DOCK2: variants seen among roughly 807,000 people sequenced by gnomAD.
DOCK2 encodes the protein dedicator of cytokinesis 2, also known as dedicator of cytokinesis protein 2.
DOCK2 carries 87 observed loss-of-function variants against 248.9 expected under a neutral mutation model. The observed-to-expected ratio is 0.35, with a 90% CI of 0.29 to 0.42. DOCK2 has a LOEUF of 0.42. DOCK2 is among the 10% of genes least tolerant of loss of function. The probability of loss-of-function intolerance (pLI) is 1.00; values close to 1 mark genes in which losing one functional copy is unlikely to be tolerated. For missense variants in DOCK2, 1,747 were observed against 2,300.2 expected (o/e 0.76, Z 4.92); for synonymous variants, 805 against 821.6 (o/e 0.98, Z 0.35).
rs1009767857 is a variant in DOCK2 at position 169,901,413 on chromosome 5, C to T, written c.2799+60561C>T. Among the ~76,000 whole-genome samples, 13 of 151,860 alleles carry T rather than the reference C, an allele frequency of 8.6e-5. No homozygotes were observed. In the East Asian group the frequency reaches 1.5e-3, roughly 18 times the overall value. On this transcript the variant is annotated intron_variant, in intron 27 of 51. Coordinates refer to ENST00000520908, the MANE Select transcript of DOCK2 (RefSeq NM_004946.3). ...AAACAGAATGACTTCAAGAGGTTTA[C>T]GAAGGGTGTGTGTGTGTGTGGGCAT...
intron 26 of DOCK2, among the ~76,000 whole-genome samples, chr5:169,816,912 G>A (rs997332491): frequency 1.3e-5 from 2 of 152,078 alleles, no homozygotes; most frequent in African/African-American, 2.4e-5. Context: ...TCTCCCTTCT[G>A]TCTGTCCTGA....
At chr5:169,689,354 C>G in intron 9 of DOCK2, 21 bp downstream of exon 9, 1 of 1,612,854 alleles carries the variant, frequency 6.2e-7, no homozygotes, top group South Asian at 1.1e-5. Context: ...ACCCTCTTCT[C>G]GTTACCGTGC....
chr5:170,001,647 G>A (rs950402833), intron 30 of DOCK2, among the ~76,000 whole-genome samples: 31 of 152,172 alleles, frequency 2.0e-4, no homozygotes, highest in African/African-American at 6.3e-4. Context: ...CATGCAGTGT[G>A]CTTGGTTCGT....
intron 27 of DOCK2, among the ~76,000 whole-genome samples, chr5:169,976,768 G>A (rs1777731359): frequency 6.6e-6 from 1 of 152,288 alleles, no homozygotes. Context: ...GAGCTGATCT[G>A]TCATTAATGC....
chr5:170,061,470 C>T lies in DOCK2; in HGVS notation c.4467+3804C>T, dbSNP rs376696398. Among the ~76,000 whole-genome samples, 6 of 152,200 alleles carry T rather than the reference C, an allele frequency of 3.9e-5. 1 individual carries two copies. The East Asian group carries it at 5.8e-4, about 15-fold the overall frequency. On this transcript the variant is annotated intron_variant, in intron 44 of 51. Transcript: ENST00000520908. ...CCAGCATGGGCTGGCACATAGGAGG[C>T]AATTGATAAGTGAGGTCATCTTCAT...
At chr5:170,045,982 A>T in intron 39 of DOCK2, 77 bp downstream of exon 39, 3 of 1,398,162 alleles carry the variant, frequency 2.1e-6, no homozygotes, top group Non-Finnish European at 3.0e-6. Context: ...GATCCTGGGG[A>T]GATGGGCATG....
intron 27 of DOCK2, among the ~76,000 whole-genome samples, chr5:169,976,756 A>C (rs4293938): frequency 6.6e-6 from 1 of 152,030 alleles, no homozygotes; most frequent in Non-Finnish European, 1.5e-5. Context: ...GTCTGTGCTT[A>C]AGAGCTGATC....
intron 32 of DOCK2, among the ~76,000 whole-genome samples, chr5:170,012,683 T>C (rs945926256): frequency 6.6e-6 from 1 of 152,206 alleles, no homozygotes; most frequent in African/African-American, 2.4e-5. Context: ...TTGTTTTGGA[T>C]CCCGGGCGGA....
At chr5:170,014,688 C>G (rs1040160610) in intron 32 of DOCK2, among the ~76,000 whole-genome samples, 2 of 150,994 alleles carry the variant, frequency 1.3e-5, no homozygotes, top group Non-Finnish European at 2.9e-5. Context: ...GGAAGAAGAG[C>G]TCGTTGGTGG....
At chr5:169,663,145 A>G (rs1041233971) in intron 2 of DOCK2, among the ~76,000 whole-genome samples, 2 of 152,242 alleles carry the variant, frequency 1.3e-5, no homozygotes, top group African/African-American at 2.4e-5. Flanking sequence ...TCCAAAACCC[A>G]GCTGGGCAGC....
intron 26 of DOCK2, among the ~76,000 whole-genome samples, chr5:169,819,506 G>A (rs781259072): frequency 6.6e-6 from 1 of 151,782 alleles, no homozygotes; most frequent in Non-Finnish European, 1.5e-5. Flanking sequence ...CTGTAGTCCC[G>A]GCTACTCAGG....
At chr5:169,735,342 C>T (rs772085795) in intron 22 of DOCK2, among the ~76,000 whole-genome samples, 1 of 152,184 alleles carries the variant, frequency 6.6e-6, no homozygotes, top group Admixed American at 6.5e-5. Flanking sequence ...TCCTCTGATT[C>T]TCTCAGCTCC....
At chr5:169,891,650 A>G (rs1773289381) in intron 27 of DOCK2, among the ~76,000 whole-genome samples, 1 of 151,952 alleles carries the variant, frequency 6.6e-6, no homozygotes, top group Non-Finnish European at 1.5e-5. Flanking sequence ...TGGGGAAACT[A>G]AGACTCTGAG....
chr5:169,812,624 G>A (rs1038007938), intron 26 of DOCK2, among the ~76,000 whole-genome samples: 4 of 152,150 alleles, frequency 2.6e-5, no homozygotes, highest in African/African-American at 9.7e-5. Flanking sequence ...CTTTTCCCAG[G>A]TGTGTCAGAA....
At chr5:169,726,566 C>A (rs1398269659) in intron 22 of DOCK2, among the ~76,000 whole-genome samples, 1 of 152,140 alleles carries the variant, frequency 6.6e-6, no homozygotes, top group Non-Finnish European at 1.5e-5. Flanking sequence ...GTGTTTTAGT[C>A]ATGAAGTCTT....
chr5:169,751,657 T>G (rs915281395), intron 23 of DOCK2, among the ~76,000 whole-genome samples: 1 of 152,238 alleles, frequency 6.6e-6, no homozygotes, highest in Non-Finnish European at 1.5e-5. Flanking sequence ...TCTCTAATGC[T>G]CACCCAGCTT....
intron 27 of DOCK2, among the ~76,000 whole-genome samples, chr5:169,947,795 G>A (rs187902611): frequency 1.3e-5 from 2 of 152,294 alleles, no homozygotes; most frequent in East Asian, 3.9e-4. Flanking sequence ...CACTGTCATG[G>A]TGCCTGCTGG....
intron 14 of DOCK2, among the ~76,000 whole-genome samples, chr5:169,705,300 C>T (rs1252882187): frequency 6.6e-6 from 1 of 152,202 alleles, no homozygotes; most frequent in East Asian, 1.9e-4. Context: ...GGGAGTCAAA[C>T]AGGCAATCCA....
intron 48 of DOCK2, 86 bp downstream of exon 48, chr5:170,077,923 C>G (rs1281723871): frequency 1.8e-6 from 2 of 1,120,596 alleles, no homozygotes; most frequent in Admixed American, 4.1e-5. Context: ...CCGGCAACAT[C>G]CCTTCTACCT....
Sources: allele counts gnomAD v4.1 joint callset (sites outside exome capture counted in the v4.1 genomes callset), GRCh38; gene constraint gnomAD v4.1.1; transcripts MANE v1.5; gene names NCBI Gene and HGNC (gene_info 2026-07-23, HGNC 2026-07-21).